OVCH1: variants seen among roughly 807,000 people sequenced by gnomAD.
OVCH1 encodes the protein ovochymase-1.
OVCH1 carries 139 observed loss-of-function variants against 138.4 expected under a neutral mutation model. The observed-to-expected ratio is 1.00, with a 90% CI of 0.87 to 1.16. The LOEUF (loss-of-function observed/expected upper bound fraction) is 1.16, where lower values mean the gene tolerates loss of function less well. Among genes scored for constraint, OVCH1 ranks in the 50% most tolerant of loss-of-function variants. The pLI is 0.00. For missense variants in OVCH1, 1,367 were observed against 1,357.9 expected, an observed-to-expected ratio of 1.01 and a Z score of -0.11; for synonymous variants, 453 against 467.8, an observed-to-expected ratio of 0.97 and a Z score of 0.41.
At chr12:29,485,490 A>T (rs1437800521) in intron 8 of OVCH1, among the ~76,000 whole-genome samples, 1 of 150,774 alleles carries the variant, frequency 6.6e-6, no homozygotes, top group African/African-American at 2.4e-5. Flanking sequence ...AAAATACAAA[A>T]ATTGCCGGGC....
In OVCH1 at chr12:29,440,415, G is replaced by C. The variant is rs117119899; in HGVS notation, c.3158-981C>G. 4 of 178,654 alleles carry C rather than the reference G, an allele frequency of 2.2e-5. No individual in the cohort carries two copies. In the East Asian group the frequency reaches 6.8e-4, roughly 30 times the overall value. The allele number at this position is 178,654 out of a possible 1,614,324, so 11.1% of individuals were successfully genotyped here. A position where few individuals can be genotyped will look rare whatever the true frequency, so the allele number is the denominator to read the frequency against. On this transcript the variant is annotated intron_variant, in intron 25 of 27. Transcript: ENST00000318184. ...TTATTTCTTTGTTTTTCCAATCTTT[G>C]TGTGCCCTTTCACCCATAGAAGAGG...
At chr12:29,466,838 T>C (rs945447269) in intron 16 of OVCH1, among the ~76,000 whole-genome samples, 6 of 152,180 alleles carry the variant, frequency 3.9e-5, no homozygotes, top group African/African-American at 1.4e-4. Flanking sequence ...CACTGTCACT[T>C]CTACTTGGAG....
At chr12:29,429,281 T>C (rs1941229925) in intron 27 of OVCH1, among the ~76,000 whole-genome samples, 1 of 152,152 alleles carries the variant, frequency 6.6e-6, no homozygotes, top group South Asian at 2.1e-4. Flanking sequence ...TGCCAACTAA[T>C]GGTTAAATGA....
At chr12:29,402,422 G>A in the OVCH1 span, among the ~76,000 whole-genome samples, 1 of 152,136 alleles carries the variant, frequency 6.6e-6, no homozygotes, top group Admixed American at 6.5e-5. Flanking sequence ...CTTTCTCATT[G>A]TAGCATTTGC....
At chr12:29,438,927 C>T (rs1340375661) in intron 26 of OVCH1, among the ~76,000 whole-genome samples, 1 of 152,118 alleles carries the variant, frequency 6.6e-6, no homozygotes, top group East Asian at 1.9e-4. Flanking sequence ...ATTGACTTAA[C>T]CCTGAGGTGG....
intron 3 of OVCH1, among the ~76,000 whole-genome samples, chr12:29,414,858 T>C (rs916582483): frequency 2.6e-5 from 4 of 152,168 alleles, no homozygotes; most frequent in Admixed American, 6.5e-5. Context: ...AAATTAATTA[T>C]ATTTTAAAAG....
chr12:29,413,669 TACACAC>T (rs3064302), intron 3 of OVCH1, among the ~76,000 whole-genome samples: 5 of 150,818 alleles, frequency 3.3e-5, no homozygotes, highest in African/African-American at 7.4e-5. Context: ...ATTACACACA[TACACAC>T]ACACACACAC....
chr12:29,464,809 T>A, intron 17 of OVCH1, 107 bp from the exon 18 acceptor site: 1 of 958,232 alleles, frequency 1.0e-6, no homozygotes, highest in Non-Finnish European at 1.6e-6. Flanking sequence ...CTTACATACA[T>A]AAACAATGCA....
chr12:29,451,531 A>T (rs1310326184), exon 22 of OVCH1: 7 of 1,612,804 alleles, frequency 4.3e-6, no homozygotes, highest in Non-Finnish European at 5.9e-6. Flanking sequence ...GTGGGAAAAA[A>T]GCCTCTAGGC....
chr12:29,423,538 T>G (rs546860755), downstream of OVCH1, among the ~76,000 whole-genome samples: 1 of 152,312 alleles, frequency 6.6e-6, no homozygotes, highest in Non-Finnish European at 1.5e-5. Context: ...CACACTTGTA[T>G]GGCAATCTGT....
chr12:29,458,565 T>C (rs1429022619), intron 19 of OVCH1, among the ~76,000 whole-genome samples: 2 of 152,112 alleles, frequency 1.3e-5, no homozygotes, highest in African/African-American at 2.4e-5. Context: ...TTGAGGAAAC[T>C]TTCCAGGATT....
At chr12:29,495,523 TA>T in intron 3 of OVCH1, 66 bp from the exon 4 acceptor site, 1 of 1,403,912 alleles carries the variant, frequency 7.1e-7, no homozygotes, top group Non-Finnish European at 9.8e-7. Flanking sequence ...TGGTTTGATG[TA>T]ATTAAATGAA....
intron 3 of OVCH1, among the ~76,000 whole-genome samples, chr12:29,495,772 G>C (rs1005291581): frequency 3.3e-5 from 5 of 152,062 alleles, no homozygotes; most frequent in African/African-American, 1.2e-4. Context: ...TTCTAGAACT[G>C]TTCCTTCTTT....
At chr12:29,468,262 T>C (rs183640146) in intron 16 of OVCH1, among the ~76,000 whole-genome samples, 129 of 152,314 alleles carry the variant, frequency 8.5e-4, no homozygotes, top group Middle Eastern at 6.8e-3. Context: ...TTGATAACCT[T>C]CTCTAACTGC....
At chr12:29,435,650 G>T (rs192868939) in intron 26 of OVCH1, among the ~76,000 whole-genome samples, 7 of 152,198 alleles carry the variant, frequency 4.6e-5, no homozygotes, top group Non-Finnish European at 1.0e-4. Context: ...TACCGCACCC[G>T]GAGGCCCCGT....
At chr12:29,447,817 A>G (rs1941661697) in intron 22 of OVCH1, among the ~76,000 whole-genome samples, 1 of 152,052 alleles carries the variant, frequency 6.6e-6, no homozygotes, top group Non-Finnish European at 1.5e-5. Context: ...GCTGCTTTAG[A>G]CTGAGAGGCC....
Position 29,434,308 on chromosome 12 carries a change from TAAAG to T in OVCH1, c.3265-499_3265-496del, listed in dbSNP as rs1240513921. The stretch of plus-strand genomic sequence containing the variant: ...GCAATATTCCAAGTATCCAGAAAAA[TAAAG>T]AGTATGCTTAGGTGTTAAAAAAAAT... On this transcript the variant is annotated intron_variant, in intron 26 of 27. Transcript: ENST00000318184. Among the ~76,000 whole-genome samples the T allele has an allele frequency of 2.6e-5, 4 of 152,066 alleles. No individual in the cohort carries two copies. The East Asian group carries it at 7.7e-4, about 29-fold the overall frequency.
intron 15 of OVCH1, 22 bp downstream of exon 15, chr12:29,473,007 T>C (rs770627600): frequency 6.3e-7 from 1 of 1,580,754 alleles, no homozygotes; most frequent in Non-Finnish European, 8.7e-7. Flanking sequence ...AAACAGATAG[T>C]AATAACATGT....
downstream of OVCH1, among the ~76,000 whole-genome samples, chr12:29,411,135 G>A (rs539270261): frequency 6.1e-5 from 6 of 98,190 alleles, 1 homozygote; most frequent in Non-Finnish European, 1.3e-4. Flanking sequence ...CGTAGTTCTC[G>A]AGCCTTGGCT....
Sources: gnomAD v4.1 joint callset for allele counts (sites outside exome capture counted in the v4.1 genomes callset) on GRCh38, gnomAD v4.1.1 for gene constraint, MANE v1.5 for transcripts, NCBI Gene and HGNC (gene_info 2026-07-23, HGNC 2026-07-21) for gene names.